The following LYRM4 variants were observed in gnomAD, a reference collection of about 807,000 sequenced individuals.
LYRM4 encodes LYR motif containing 4, also known as LYR motif-containing protein 4.
A neutral mutation model predicts 11.7 loss-of-function variants in LYRM4; 9 were observed. That is an observed-to-expected ratio of 0.77 (90% CI 0.46 to 1.34). The LOEUF (loss-of-function observed/expected upper bound fraction) is 1.34. LYRM4 is among the 40% of genes most tolerant of loss of function. The pLI is 0.00. For synonymous variants in LYRM4, 42 were observed against 40.4 expected (o/e 1.04, Z -0.15); for missense variants, 133 against 112.5 (o/e 1.18, Z -0.82).
intron 2 of LYRM4, among the ~76,000 whole-genome samples, chr6:5,207,032 C>T (rs1398513546): frequency 6.6e-6 from 1 of 152,174 alleles, no homozygotes; most frequent in East Asian, 1.9e-4. Flanking sequence ...TGAGTGATGA[C>T]ATGACTTTAG....
intron 2 of LYRM4, chr6:5,187,085 T>C (rs933642711): frequency 2.1e-6 from 2 of 930,896 alleles, no homozygotes; most frequent in Non-Finnish European, 2.6e-6. Context: ...AACAATAGAA[T>C]GGTGAATGAA....
intron 2 of LYRM4, among the ~76,000 whole-genome samples, chr6:5,168,276 A>C (rs1252798018): frequency 6.6e-6 from 1 of 152,174 alleles, no homozygotes; most frequent in Non-Finnish European, 1.5e-5. Flanking sequence ...CGTGGGCAAA[A>C]CTGCTGCAGA....
intron 2 of LYRM4, among the ~76,000 whole-genome samples, chr6:5,111,195 C>A (rs12110634): frequency 0.18 from 27,393 of 151,694 alleles, 2,691 homozygotes; most frequent in African/African-American, 0.24. Flanking sequence ...AAAAGAAAGG[C>A]TAGAATACCA....
At chr6:5,165,136 T>G (rs1759002676) in intron 2 of LYRM4, among the ~76,000 whole-genome samples, 1 of 152,174 alleles carries the variant, frequency 6.6e-6, no homozygotes, top group African/African-American at 2.4e-5. Flanking sequence ...TTAGAAACAT[T>G]TTCTTTGTTA....
chr6:5,039,553 T>G, the LYRM4 span, among the ~76,000 whole-genome samples: 6,103 of 152,302 alleles, frequency 0.04, 156 homozygotes, highest in African/African-American at 0.066. Context: ...ATTTGAACAT[T>G]GAAAACGGCA....
At chr6:5,222,713 A>G (rs1024896895) in intron 1 of LYRM4, among the ~76,000 whole-genome samples, 3 of 152,056 alleles carry the variant, frequency 2.0e-5, no homozygotes, top group Non-Finnish European at 4.4e-5. Flanking sequence ...AAATTAAAAA[A>G]AAGTATAGAA....
the LYRM4 span, chr6:5,089,516 G>A: frequency 3.3e-5 from 5 of 152,124 alleles, no homozygotes; most frequent in Non-Finnish European, 7.4e-5. Context: ...CCTTTAAAAT[G>A]GTAACCCATT....
chr6:5,049,672 A>AT, the LYRM4 span, among the ~76,000 whole-genome samples: 11,289 of 143,380 alleles, frequency 0.079, 619 homozygotes, highest in African/African-American at 0.16. Context: ...GGGCAGTGTC[A>AT]TTTTTTTTTT....
intron 2 of LYRM4, among the ~76,000 whole-genome samples, chr6:5,116,391 T>C (rs1449313023): frequency 6.6e-6 from 1 of 152,154 alleles, no homozygotes; most frequent in Non-Finnish European, 1.5e-5. Flanking sequence ...GGAGGAAATA[T>C]TAAAAAGTTA....
At chr6:5,054,067 T>C in the LYRM4 span, 3 of 963,158 alleles carry the variant, frequency 3.1e-6, no homozygotes, top group African/African-American at 5.3e-5. Context: ...CTAGCTTAAT[T>C]AGCCTCTTAC....
At chr6:5,122,067 T>G in intron 2 of LYRM4, among the ~76,000 whole-genome samples, 1 of 152,158 alleles carries the variant, frequency 6.6e-6, no homozygotes, top group Admixed American at 6.6e-5. Context: ...AATATTTGCT[T>G]TAATCAAATA....
chr6:5,154,648 G>C (rs758277686), intron 2 of LYRM4, among the ~76,000 whole-genome samples: 15 of 152,056 alleles, frequency 9.9e-5, no homozygotes, highest in Non-Finnish European at 1.5e-4. Flanking sequence ...AACCCTGTCT[G>C]TACTAAAAAC....
At chr6:5,174,421 A>G (rs1022103730) in intron 2 of LYRM4, among the ~76,000 whole-genome samples, 1 of 152,146 alleles carries the variant, frequency 6.6e-6, no homozygotes, top group Non-Finnish European at 1.5e-5. Flanking sequence ...TCCGGCTCCA[A>G]CCAGAAGTGG....
intron 2 of LYRM4, among the ~76,000 whole-genome samples, chr6:5,194,071 G>C (rs1179546973): frequency 8.0e-6 from 1 of 124,326 alleles, no homozygotes; most frequent in Non-Finnish European, 1.6e-5. Context: ...GGGTGTGTGT[G>C]GGGGGGTGGG....
intron 2 of LYRM4, among the ~76,000 whole-genome samples, chr6:5,171,583 C>T (rs553536218): frequency 6.6e-6 from 1 of 152,242 alleles, no homozygotes; most frequent in South Asian, 2.1e-4. Context: ...AGAAATAAAT[C>T]AGGGAGTTTA....
intron 1 of LYRM4, among the ~76,000 whole-genome samples, chr6:5,221,631 G>A (rs1762589862): frequency 6.6e-6 from 1 of 152,230 alleles, no homozygotes; most frequent in South Asian, 2.1e-4. Context: ...GGCGGAAGTT[G>A]CAGTGAGCCA....
intron 1 of LYRM4, among the ~76,000 whole-genome samples, chr6:5,245,890 G>C (rs902685293): frequency 1.3e-5 from 2 of 152,204 alleles, no homozygotes; most frequent in African/African-American, 4.8e-5. Flanking sequence ...GAAAATGCCA[G>C]AGTGACAATA....
chr6:5,167,217 G>T (rs563812718), intron 2 of LYRM4, among the ~76,000 whole-genome samples: 2 of 152,070 alleles, frequency 1.3e-5, no homozygotes, highest in African/African-American at 4.8e-5. Context: ...AGTAATATAC[G>T]CAAGGGATAA....
At chr6:5,055,734 T>C in the LYRM4 span, among the ~76,000 whole-genome samples, 19 of 152,312 alleles carry the variant, frequency 1.2e-4, no homozygotes, top group African/African-American at 4.6e-4. This position sits in a 1 kb window ranked among gnomAD's most constrained non-coding sequence, Gnocchi z 4.5. Context: ...GATCCTTAGC[T>C]AAGACATCTC....
Sources: allele counts gnomAD v4.1 joint callset (sites outside exome capture counted in the v4.1 genomes callset), GRCh38; gene constraint gnomAD v4.1.1; non-coding constraint Gnocchi (gnomAD v3.1); transcripts MANE v1.5; gene names NCBI Gene and HGNC (gene_info 2026-07-23, HGNC 2026-07-21).